Variants in FRMD1 observed in about 807,000 individuals in gnomAD.
FRMD1 encodes the protein FERM domain-containing protein 1.
FRMD1 carries 51 observed loss-of-function variants against 54.9 expected under a neutral mutation model. The ratio of observed to expected loss-of-function variants is 0.93; its 90% CI spans 0.74 to 1.17. The LOEUF (loss-of-function observed/expected upper bound fraction) is 1.17, where lower values mean the gene tolerates loss of function less well. FRMD1 is among the 50% of genes most tolerant of loss of function. FRMD1 has a pLI of 0.00. For synonymous variants in FRMD1, 324 were observed against 306.4 expected (o/e 1.06, Z -0.60); for missense variants, 729 against 743.0 (o/e 0.98, Z 0.22).
intron 1 of FRMD1, among the ~76,000 whole-genome samples, chr6:168,078,001 G>A (rs1206910322): frequency 6.6e-6 from 1 of 152,172 alleles, no homozygotes; most frequent in Non-Finnish European, 1.5e-5. Flanking sequence ...AAGCAGACAA[G>A]AGACTCCCAG....
At chr6:168,089,850 A>G (rs556834133) in intron 1 of FRMD1, among the ~76,000 whole-genome samples, 36 of 152,304 alleles carry the variant, frequency 2.4e-4, no homozygotes, top group Non-Finnish European at 4.4e-4. Flanking sequence ...TGAGCCCCGC[A>G]GTGAGAACAG....
chr6:168,058,705 T>C (rs1445717185), intron 10 of FRMD1, among the ~76,000 whole-genome samples: 2 of 152,024 alleles, frequency 1.3e-5, no homozygotes, highest in Admixed American at 6.5e-5. Context: ...CTACAGGAAG[T>C]GGGGGAAGCC....
At chr6:168,067,524 G>T in intron 2 of FRMD1, 78 bp from the exon 3 acceptor site, 1 of 864,696 alleles carries the variant, frequency 1.2e-6, no homozygotes, top group Non-Finnish European at 1.9e-6. Flanking sequence ...AACTGAGTGT[G>T]GCTTGGAGAG....
intron 1 of FRMD1, among the ~76,000 whole-genome samples, chr6:168,078,207 A>C (rs1004339572): frequency 6.6e-6 from 1 of 152,116 alleles, no homozygotes; most frequent in African/African-American, 2.4e-5. Context: ...CTCAACTAAA[A>C]CAGGTAGACA....
intron 2 of FRMD1, among the ~76,000 whole-genome samples, chr6:168,070,279 G>T (rs1583190953): frequency 1.0e-5 from 1 of 98,890 alleles, no homozygotes; most frequent in Admixed American, 1.1e-4. Context: ...AAAGAAAGAA[G>T]GAAGGAAGGA....
At chr6:168,091,788 G>T (rs972069600) in intron 1 of FRMD1, among the ~76,000 whole-genome samples, 2 of 152,240 alleles carry the variant, frequency 1.3e-5, no homozygotes, top group Non-Finnish European at 2.9e-5. Context: ...GAAGCGAAAC[G>T]CAGTCACCCA....
chr6:168,063,897 GC>G (rs2114972782), intron 5 of FRMD1, 141 bp from the exon 6 acceptor site: 1 of 953,022 alleles, frequency 1.0e-6, no homozygotes, highest in Non-Finnish European at 1.5e-6. Flanking sequence ...TGGCTGCTGA[GC>G]CCAGAACCAG....
In FRMD1 at chr6:168,055,711, C is replaced by T. The variant is rs1009486249; in HGVS notation, c.*1386G>A. On this transcript the variant is annotated 3_prime_UTR_variant, in exon 11 of 11. Coordinates refer to ENST00000283309, the MANE Select transcript of FRMD1 (RefSeq NM_024919.6). ...CAGCACTGGGGCTTGTGGCCATCTA[C>T]AGAACGCAGCCTTCTGTGGCCGATG... is the stretch of plus-strand genomic sequence containing the variant. The T allele has an allele frequency of 9.2e-5, 14 of 152,194 alleles. No individual in the cohort carries two copies. Among genetic ancestry groups the T allele is most frequent in the African/African-American group, 2.9e-4 (12 of 41,448 alleles). 9.4% of individuals were successfully genotyped at this position (152,194 alleles called of 1,614,324 possible).
upstream of FRMD1, among the ~76,000 whole-genome samples, chr6:168,080,810 G>C (rs1210927433): frequency 6.6e-6 from 1 of 152,036 alleles, no homozygotes; most frequent in Non-Finnish European, 1.5e-5. Flanking sequence ...TGCAGGTGCT[G>C]GTGTGTGCGG....
intron 2 of FRMD1, among the ~76,000 whole-genome samples, chr6:168,068,864 G>A (rs1426235427): frequency 1.3e-5 from 2 of 152,282 alleles, no homozygotes; most frequent in Non-Finnish European, 2.9e-5. Flanking sequence ...ACAGAGGCCT[G>A]CAGAAAGGGC....
At chr6:168,087,143 C>T (rs1448803475) in intron 1 of FRMD1, among the ~76,000 whole-genome samples, 1 of 152,188 alleles carries the variant, frequency 6.6e-6, no homozygotes, top group East Asian at 1.9e-4. Flanking sequence ...GCTTGGCTCA[C>T]TGTAACCCCT....
intron 4 of FRMD1, chr6:168,066,040 C>T (rs1800008082): frequency 2.0e-6 from 2 of 1,000,072 alleles, no homozygotes; most frequent in Non-Finnish European, 2.4e-6. Context: ...CTTACCCACT[C>T]CTGTCGGGGA....
chr6:168,073,131 C>A (rs564901486), intron 2 of FRMD1, among the ~76,000 whole-genome samples: 1 of 152,330 alleles, frequency 6.6e-6, no homozygotes, highest in Admixed American at 6.5e-5. Flanking sequence ...GACAGCAAGA[C>A]TGACATCTGC....
intron 7 of FRMD1, 142 bp from the exon 8 acceptor site, chr6:168,062,123 G>A: frequency 1.2e-6 from 1 of 857,856 alleles, no homozygotes; most frequent in Non-Finnish European, 1.8e-6. Flanking sequence ...GCTGTTGGCG[G>A]ACACTGTGCG....
chr6:168,066,968 G>A lies in FRMD1; in HGVS notation c.385-137C>T, dbSNP rs565427937. On this transcript the variant is annotated intron_variant, in intron 3 of 10. Transcript: ENST00000283309. ...AGCTCAGGTGTCTGCAGCCATAGCTGACAATTCGACTCATGGTATTTTCTA... is the reference window on the plus strand; with the variant it reads ...AGCTCAGGTGTCTGCAGCCATAGCTAACAATTCGACTCATGGTATTTTCTA... The A allele has an allele frequency of 2.9e-4, 309 of 1,076,120 alleles. 2 individuals carry two copies. In the African/African-American group the frequency reaches 4.5e-3, roughly 16 times the overall value. 66.7% of individuals were successfully genotyped at this position (1,076,120 alleles called of 1,614,324 possible).
intron 2 of FRMD1, among the ~76,000 whole-genome samples, chr6:168,068,709 C>T (rs990247347): frequency 6.6e-6 from 1 of 152,210 alleles, no homozygotes; most frequent in African/African-American, 2.4e-5. Context: ...ACCTGCAGTC[C>T]TGAGAATAAA....
At chr6:168,085,998 G>A (rs1444786883), upstream of FRMD1, among the ~76,000 whole-genome samples, 1 of 152,264 alleles carries the variant, frequency 6.6e-6, no homozygotes, top group African/African-American at 2.4e-5. Flanking sequence ...AGTGCAAAGA[G>A]TAGAACATAG....
In FRMD1 at chr6:168,079,096, C is replaced by A; in HGVS notation, c.-2G>T. The A allele has an allele frequency of 6.3e-7, 1 of 1,596,734 alleles. No homozygotes were observed. Among genetic ancestry groups the A allele is most frequent in the Non-Finnish European group, 8.5e-7 (1 of 1,175,372 alleles). ...CCTCCCTCTCGGGGGCACCGCCATG[C>A]TGTCGTTACTCGGCCCTCCCCCGCC... On this transcript the variant is annotated 5_prime_UTR_variant, in exon 1 of 11. Transcript: ENST00000283309.
At chr6:168,088,197 GC>G (rs1161965121) in intron 1 of FRMD1, among the ~76,000 whole-genome samples, 2 of 152,232 alleles carry the variant, frequency 1.3e-5, no homozygotes, top group African/African-American at 4.8e-5. Flanking sequence ...CCTCTGGGAT[GC>G]TCCGGCTGGG....
Sources: gnomAD v4.1 joint callset for allele counts (sites outside exome capture counted in the v4.1 genomes callset) on GRCh38, gnomAD v4.1.1 for gene constraint, MANE v1.5 for transcripts, NCBI Gene and HGNC (gene_info 2026-07-23, HGNC 2026-07-21) for gene names.